The following DENND3 variants were observed in gnomAD, a reference collection of about 807,000 sequenced individuals.
The protein encoded by DENND3 is DENN domain containing 3.
In DENND3, 88 loss-of-function variants were observed where a neutral mutation model predicts 135.1. That is an observed-to-expected ratio of 0.65 (90% CI 0.55 to 0.78). The LOEUF (loss-of-function observed/expected upper bound fraction) is 0.78, where lower values mean the gene tolerates loss of function less well. DENND3 is among the 30% of genes least tolerant of loss of function. DENND3 has a pLI of 0.00. For synonymous variants in DENND3, 693 were observed against 712.3 expected, an observed-to-expected ratio of 0.97 and a Z score of 0.43; for missense variants, 1,392 against 1,688.4, an observed-to-expected ratio of 0.82 and a Z score of 3.08.
Position 141,139,173 on chromosome 8 carries a change from C to G in DENND3, c.501+1036C>G, listed in dbSNP as rs576610534. Among the ~76,000 whole-genome samples the G allele has an allele frequency of 7.4e-4, 112 of 152,250 alleles. No individual in the cohort carries two copies. Among genetic ancestry groups the G allele is most frequent in the Middle Eastern group, 3.4e-3 (1 of 294 alleles). Reference sequence around the variant, plus strand: ...TGCCATGAAGGGAAGTCTGTGAGTTCCATGCAGTCGAGAGAAATGGCTGGC... The same window carrying G: ...TGCCATGAAGGGAAGTCTGTGAGTTGCATGCAGTCGAGAGAAATGGCTGGC... On this transcript the variant is annotated intron_variant, in intron 3 of 22. Coordinates refer to ENST00000519811, the MANE Select transcript of DENND3 (RefSeq NM_001352890.3). This position sits in a 1 kb window ranked among gnomAD's most constrained non-coding sequence, Gnocchi z 4.2.
intron 9 of DENND3, among the ~76,000 whole-genome samples, chr8:141,162,201 T>C (rs1253611266): frequency 2.0e-5 from 3 of 152,262 alleles, no homozygotes; most frequent in Non-Finnish European, 4.4e-5. Flanking sequence ...ATATTATCTC[T>C]GCTCAAAGAG....
rs1818004235 is a variant in DENND3 at position 141,145,830 on chromosome 8, TATATA to T, written c.735+1572_735+1576del. Among the ~76,000 whole-genome samples the T allele has an allele frequency of 9.2e-5, 8 of 86,880 alleles. 2 individuals are homozygous for T. Among genetic ancestry groups the T allele is most frequent in the African/African-American group, 5.8e-4 (8 of 13,842 alleles). The allele number at this position is 86,880 out of a possible 152,430, so 57.0% of individuals were successfully genotyped here. On this transcript the variant is annotated intron_variant, in intron 5 of 22. Coordinates refer to ENST00000519811, the MANE Select transcript of DENND3 (RefSeq NM_001352890.3). ...ATATATATATATATATATATATATA[TATATA>T]TATATATATATATATGTATTTTTTT...
chr8:141,175,136 A>G lies in DENND3; in HGVS notation c.2276-64A>G. ...GTGCGGTTTCTTCAGGTCATGGAGA[A>G]GCCCTTGGGGCTCCCGAGGTATGTG... is the stretch of plus-strand genomic sequence containing the variant. On this transcript the variant is annotated intron_variant, in intron 13 of 22. Coordinates refer to ENST00000519811, the MANE Select transcript of DENND3 (RefSeq NM_001352890.3). The surrounding 1 kb of genome is among the most constrained non-coding windows in gnomAD (Gnocchi z 5.4). The G allele has an allele frequency of 3.3e-6, 5 of 1,538,364 alleles. No homozygotes were observed. Among genetic ancestry groups the G allele is most frequent in the South Asian group, 1.3e-5 (1 of 78,646 alleles).
At chr8:141,192,293 A>C in intron 20 of DENND3, 38 bp from the exon 21 acceptor site, 1 of 1,609,172 alleles carries the variant, frequency 6.2e-7, no homozygotes, top group Non-Finnish European at 8.5e-7. Context: ...GTTGCCAATG[A>C]CACTGCCTGG....
At chr8:141,134,304 AT>A (rs927740208) in intron 1 of DENND3, among the ~76,000 whole-genome samples, 20 of 149,086 alleles carry the variant, frequency 1.3e-4, no homozygotes, top group East Asian at 9.8e-4. Flanking sequence ...TTTTTATTTT[AT>A]TTTTTTTTTG....
At position 141,138,046 on chromosome 8, in the gene DENND3, C is replaced by T; in HGVS notation, c.410C>T (p.Pro137Leu). 6.2e-7 allele frequency: 1 copy of T among 1,606,948 alleles called. No individual in the cohort carries two copies. Among genetic ancestry groups the T allele is most frequent in the Non-Finnish European group, 8.5e-7 (1 of 1,176,364 alleles). ...GGGGGTGTGTGCGTGGCCACTGAAC[C>T]TAAGGAGGATTGCGTCCACTTCCTG... ...FPGGVCVATE[P>L]KEDCVHFLVL... is the part of the protein sequence containing the mutation. Residue 137 changes from proline (P) to leucine (L), a missense_variant, in exon 3 of 23, where the codon CCT becomes CTT. Pro to Leu is a moderately conservative substitution (Grantham distance 98). Coordinates refer to ENST00000519811, the MANE Select transcript of DENND3 (RefSeq NM_001352890.3). This position sits in a 1 kb window ranked among gnomAD's most constrained non-coding sequence, Gnocchi z 4.8.
At chr8:141,190,163 C>G in intron 19 of DENND3, 121 bp from the exon 20 acceptor site, 2 of 1,292,736 alleles carry the variant, frequency 1.5e-6, no homozygotes, top group Non-Finnish European at 2.0e-6. Flanking sequence ...ATCATGTTTG[C>G]AGGTTATCCG....
rs975830714 is a variant in DENND3, at chr8:141,174,601, C to A, written c.2276-599C>A. Among the ~76,000 whole-genome samples the A allele has an allele frequency of 2.0e-5, 3 of 152,164 alleles. No individual in the cohort carries two copies. The highest frequency in any genetic ancestry group is 4.4e-5 in the Non-Finnish European group (3 of 68,022). ...CTCAGGCTCCTCTGACTCCAGAGCC[C>A]GTGAGTGCTGGCCTCGTGGGAAGGT... is the stretch of plus-strand genomic sequence containing the variant. On this transcript the variant is annotated intron_variant, in intron 13 of 22. Transcript: ENST00000519811. This position sits in a 1 kb window ranked among gnomAD's most constrained non-coding sequence, Gnocchi z 4.6.
At chr8:141,158,726 C>T (rs189061043) in intron 8 of DENND3, among the ~76,000 whole-genome samples, 1 of 152,186 alleles carries the variant, frequency 6.6e-6, no homozygotes, top group South Asian at 2.1e-4. Context: ...CCCAGCTTTC[C>T]CCAGCACCCT....
In DENND3 at chr8:141,141,438, T is replaced by G. The variant is rs1176286900; in HGVS notation, c.623+114T>G. The stretch of plus-strand genomic sequence containing the variant: ...GTGGGGGGGCAGCTCTCTGTTCCTC[T>G]CCTGGTGAGCCGGGGGACCGGGCGC... On this transcript the variant is annotated intron_variant, in intron 4 of 22. Transcript: ENST00000519811. The surrounding 1 kb of genome is among the most constrained non-coding windows in gnomAD (Gnocchi z 5.3). 9.6e-6 allele frequency: 11 copies of G among 1,149,640 alleles called. No individual in the cohort carries two copies. The highest frequency in any genetic ancestry group is 2.1e-5 in the Admixed American group (1 of 48,242). 71.2% of individuals were successfully genotyped at this position (1,149,640 alleles called of 1,614,324 possible).
intron 8 of DENND3, chr8:141,158,239 G>A (rs1819687612): frequency 7.8e-7 from 1 of 1,289,502 alleles, no homozygotes; most frequent in African/African-American, 1.5e-5. Flanking sequence ...TCCTCTGCGC[G>A]AACTTTGAAG....
chr8:141,163,189 A>G (rs966625354), intron 9 of DENND3, 144 bp from the exon 10 acceptor site: 2 of 534,336 alleles, frequency 3.7e-6, no homozygotes, highest in African/African-American at 3.8e-5. Flanking sequence ...ACATCGTATC[A>G]TTTTGGTAAT....
Position 141,144,405 on chromosome 8 carries a change from GCTGA to G in DENND3, c.735+154_735+157del, listed in dbSNP as rs1271817781. 4 of 830,994 alleles carry G rather than the reference GCTGA, an allele frequency of 4.8e-6. No homozygotes were observed. In the African/African-American group the frequency reaches 7.1e-5, roughly 15 times the overall value. The allele number at this position is 830,994 out of a possible 1,614,324, so 51.5% of individuals were successfully genotyped here. On this transcript the variant is annotated intron_variant, in intron 5 of 22. Transcript: ENST00000519811. The surrounding 1 kb of genome is among the most constrained non-coding windows in gnomAD (Gnocchi z 4.4). ...ATCCTAACCCCCCCGCCTCCCCACA[GCTGA>G]CTGACTGGACCCCCTTTTGGCCAAG... is the stretch of plus-strand genomic sequence containing the variant.
rs34384181 is a variant in DENND3, at chr8:141,139,915, C to CTT, written c.502-1277_502-1276dup. ...CGCTATATCTATCGTTTTTTTCTTT[C>CTT]TTTTTTTTTTTTGAGACAGTCTCGC... On this transcript the variant is annotated intron_variant, in intron 3 of 22. Transcript: ENST00000519811. The surrounding 1 kb of genome is among the most constrained non-coding windows in gnomAD (Gnocchi z 4.2). Among the ~76,000 whole-genome samples, 4 of 146,212 alleles carry CTT rather than the reference C, an allele frequency of 2.7e-5. No homozygotes were observed. Among genetic ancestry groups the CTT allele is most frequent in the African/African-American group, 1.0e-4 (4 of 39,784 alleles).
At chr8:141,163,489 T>G (rs928453982) in intron 10 of DENND3, 60 bp downstream of exon 10, 1 of 1,145,948 alleles carries the variant, frequency 8.7e-7, no homozygotes, top group African/African-American at 1.5e-5. Flanking sequence ...CTTTTCTGTA[T>G]TTAAATACTT....
rs1008700516 is a variant in DENND3 at position 141,174,776 on chromosome 8, G to A, written c.2276-424G>A. Among the ~76,000 whole-genome samples the A allele has an allele frequency of 3.3e-5, 5 of 152,320 alleles. No individual in the cohort carries two copies. Among genetic ancestry groups the A allele is most frequent in the South Asian group, 2.1e-4 (1 of 4,830 alleles). On this transcript the variant is annotated intron_variant, in intron 13 of 22. Transcript: ENST00000519811. This position sits in a 1 kb window ranked among gnomAD's most constrained non-coding sequence, Gnocchi z 4.6. Reference sequence around the variant, plus strand: ...GCGCTAAGGATCCAACCTTCCCGGCGTTAGCTTCATCCTAGGACTAGCTCC... The same window carrying A: ...GCGCTAAGGATCCAACCTTCCCGGCATTAGCTTCATCCTAGGACTAGCTCC...
rs551966378 is a variant in DENND3 at position 141,153,683 on chromosome 8, G to C, written c.1074+1846G>C. On this transcript the variant is annotated intron_variant, in intron 7 of 22. Coordinates refer to ENST00000519811, the MANE Select transcript of DENND3 (RefSeq NM_001352890.3). ...ACACACTTCAGGAAAAGGCCAGGCA[G>C]ACCTCTGTGGAAGGAACGGAAAAGC... 2.4e-4 allele frequency among the ~76,000 whole-genome samples: 37 copies of C among 152,374 alleles called. No homozygotes were observed. The South Asian group carries it at 6.8e-3, about 28-fold the overall frequency.
intron 16 of DENND3, among the ~76,000 whole-genome samples, chr8:141,178,994 ATC>A (rs1473828830): frequency 2.0e-5 from 3 of 152,242 alleles, no homozygotes; most frequent in African/African-American, 7.2e-5. Flanking sequence ...TGGTGTGCAC[ATC>A]TGTTTTCATT....
At chr8:141,133,483 G>A (rs1027345357) in intron 1 of DENND3, among the ~76,000 whole-genome samples, 2 of 152,196 alleles carry the variant, frequency 1.3e-5, no homozygotes, top group African/African-American at 4.8e-5. Context: ...CTCGTTGGGA[G>A]AGTGGACACA....
Sources: gnomAD v4.1 joint callset for allele counts (sites outside exome capture counted in the v4.1 genomes callset) on GRCh38, gnomAD v4.1.1 for gene constraint, Gnocchi (gnomAD v3.1) non-coding constraint, MANE v1.5 for transcripts, NCBI Gene and HGNC (gene_info 2026-07-23, HGNC 2026-07-21) for gene names.